METTL25: variants seen among roughly 807,000 people sequenced by gnomAD.
The protein encoded by METTL25 is methyltransferase like 25, also known as probable methyltransferase-like protein 25.
A neutral mutation model predicts 71.6 loss-of-function variants in METTL25; 64 were observed. That is an observed-to-expected ratio of 0.89 (90% CI 0.73 to 1.10). The LOEUF (loss-of-function observed/expected upper bound fraction) is 1.10. Among genes scored for constraint, METTL25 ranks in the 50% least tolerant of loss-of-function variants. The pLI, the probability that METTL25 is intolerant of heterozygous loss-of-function variation, is 0.00. For synonymous variants in METTL25, 287 were observed against 250.3 expected (o/e 1.15, Z -1.38); for missense variants, 807 against 707.0 (o/e 1.14, Z -1.60).
intron 6 of METTL25, among the ~76,000 whole-genome samples, chr12:82,431,653 T>C (rs1208111447): frequency 6.6e-6 from 1 of 151,586 alleles, no homozygotes; most frequent in Non-Finnish European, 1.5e-5. Flanking sequence ...GGTGGATATG[T>C]TATTAATAAA....
At chr12:82,418,091 A>G (rs950618865) in intron 5 of METTL25, among the ~76,000 whole-genome samples, 2 of 152,148 alleles carry the variant, frequency 1.3e-5, no homozygotes, top group Admixed American at 6.6e-5. Flanking sequence ...TCAGAGGGGA[A>G]CTTTGCAAGA....
chr12:82,381,473 A>AT (rs764161472), intron 1 of METTL25, among the ~76,000 whole-genome samples: 135 of 152,154 alleles, frequency 8.9e-4, no homozygotes, highest in Non-Finnish European at 1.7e-3. Flanking sequence ...TTTATATAAC[A>AT]TTTTTTCACT....
intron 8 of METTL25, among the ~76,000 whole-genome samples, chr12:82,446,531 C>T (rs1890753389): frequency 6.7e-6 from 1 of 150,098 alleles, no homozygotes. Flanking sequence ...GGAAACTGTA[C>T]AAATACATGG....
chr12:82,431,261 T>C lies in METTL25; in HGVS notation c.1374+274T>C, dbSNP rs1889477885. Reference sequence around the variant, plus strand: ...TCCAACGCTCTGTGGTTTGTGTTTCTTTATAGCAGATCGTTTGGTTTCCTA... The same window carrying C: ...TCCAACGCTCTGTGGTTTGTGTTTCCTTATAGCAGATCGTTTGGTTTCCTA... On this transcript the variant is annotated intron_variant, in intron 6 of 11. Coordinates refer to ENST00000248306, the MANE Select transcript of METTL25 (RefSeq NM_032230.3). Among the ~76,000 whole-genome samples the C allele has an allele frequency of 2.6e-5, 4 of 151,644 alleles. No individual in the cohort carries two copies. In the South Asian group the frequency reaches 8.3e-4, roughly 31 times the overall value.
rs137934843 is a variant in METTL25, at chr12:82,444,990, C to T, written c.1478+6199C>T. On this transcript the variant is annotated intron_variant, in intron 8 of 11. Coordinates refer to ENST00000248306, the MANE Select transcript of METTL25 (RefSeq NM_032230.3). Reference sequence around the variant, plus strand: ...TAGAATTCAGCAAAAGAAATATTAACAGCAAAGTGTATAACATGTACATCA... The same window carrying T: ...TAGAATTCAGCAAAAGAAATATTAATAGCAAAGTGTATAACATGTACATCA... 3.8e-4 allele frequency among the ~76,000 whole-genome samples: 58 copies of T among 152,180 alleles called. 1 individual carries two copies. The East Asian group carries it at 0.011, about 28-fold the overall frequency.
chr12:82,459,585 C>T (rs1174697285), intron 9 of METTL25, among the ~76,000 whole-genome samples: 1 of 152,120 alleles, frequency 6.6e-6, no homozygotes, highest in Non-Finnish European at 1.5e-5. Context: ...TGTGCTTGTG[C>T]CACTGCACTT....
At chr12:82,377,611 C>T (rs1004497091) in intron 1 of METTL25, among the ~76,000 whole-genome samples, 1 of 152,082 alleles carries the variant, frequency 6.6e-6, no homozygotes, top group South Asian at 2.1e-4. Context: ...AAAGAATAAT[C>T]TCAGATTGTT....
intron 3 of METTL25, 121 bp from the exon 4 acceptor site, chr12:82,398,673 TA>T (rs545624803): frequency 6.3e-4 from 336 of 536,350 alleles, no homozygotes; most frequent in Middle Eastern, 1.1e-3. Flanking sequence ...TTCATAGGAA[TA>T]AAAAAAAATT....
At chr12:82,469,988 G>T (rs970341353) in intron 9 of METTL25, among the ~76,000 whole-genome samples, 6 of 152,042 alleles carry the variant, frequency 3.9e-5, no homozygotes, top group African/African-American at 1.4e-4. Flanking sequence ...TCTGATCATT[G>T]CAGAGTTCCC....
At chr12:82,470,113 A>G (rs1018411695) in intron 9 of METTL25, among the ~76,000 whole-genome samples, 1 of 152,180 alleles carries the variant, frequency 6.6e-6, no homozygotes, top group African/African-American at 2.4e-5. Flanking sequence ...TTGGCCACCA[A>G]AGCTGCTGAG....
At chr12:82,478,260 A>G (rs1353051041) in intron 11 of METTL25, among the ~76,000 whole-genome samples, 2 of 151,854 alleles carry the variant, frequency 1.3e-5, no homozygotes, top group Non-Finnish European at 3.0e-5. Flanking sequence ...TACAAGAGGT[A>G]AGCAAAACAA....
At chr12:82,430,838 A>G (rs975876291) in intron 5 of METTL25, 55 bp from the exon 6 acceptor site, 1 of 954,844 alleles carries the variant, frequency 1.0e-6, no homozygotes, top group African/African-American at 1.7e-5. Context: ...TATTTATTTT[A>G]ACTGAAAAAG....
rs533434732 is a variant in METTL25, at chr12:82,439,777, T to C, written c.1478+986T>C. 3.7e-5 allele frequency: 22 copies of C among 600,468 alleles called. No individual in the cohort carries two copies. The African/African-American group carries it at 4.4e-4, about 12-fold the overall frequency. The allele number at this position is 600,468 out of a possible 1,614,324, so 37.2% of individuals were successfully genotyped here. On this transcript the variant is annotated intron_variant, in intron 8 of 11. Coordinates refer to ENST00000248306, the MANE Select transcript of METTL25 (RefSeq NM_032230.3). ...TATATTTACCCTAAGATGCTAACCT[T>C]GTTGAAAAAAGCCATAAAATTGTGC...
intron 3 of METTL25, among the ~76,000 whole-genome samples, chr12:82,392,617 G>T (rs368675212): frequency 6.6e-6 from 1 of 152,050 alleles, no homozygotes; most frequent in African/African-American, 2.4e-5. Context: ...TGTACAGAAG[G>T]TTATTAGCTT....
chr12:82,449,157 T>G (rs566379133), intron 8 of METTL25, among the ~76,000 whole-genome samples: 19 of 152,312 alleles, frequency 1.2e-4, no homozygotes, highest in African/African-American at 4.3e-4. Context: ...GTATACTGAT[T>G]CCTTTTTAGC....
At chr12:82,399,967 G>A (rs529300650) in intron 4 of METTL25, among the ~76,000 whole-genome samples, 4 of 147,950 alleles carry the variant, frequency 2.7e-5, no homozygotes, top group South Asian at 4.3e-4. Context: ...AAAAAAGGTA[G>A]CTTTTGGAGT....
intron 6 of METTL25, among the ~76,000 whole-genome samples, chr12:82,433,399 A>G (rs2137158780): frequency 6.6e-6 from 1 of 151,812 alleles, no homozygotes; most frequent in South Asian, 2.1e-4. Flanking sequence ...ATAATATGAA[A>G]ATTATGTAAT....
intron 9 of METTL25, among the ~76,000 whole-genome samples, chr12:82,465,650 T>C (rs1304647025): frequency 1.3e-5 from 2 of 152,030 alleles, no homozygotes; most frequent in African/African-American, 4.8e-5. Context: ...TACACTTTAA[T>C]TTTTTGCAAT....
At chr12:82,433,867 G>C (rs964066961) in intron 6 of METTL25, among the ~76,000 whole-genome samples, 2 of 151,160 alleles carry the variant, frequency 1.3e-5, no homozygotes, top group Admixed American at 1.3e-4. Flanking sequence ...TTACTTTTCT[G>C]TGTTTGAAAT....
Sources: allele counts gnomAD v4.1 joint callset (sites outside exome capture counted in the v4.1 genomes callset), GRCh38; gene constraint gnomAD v4.1.1; transcripts MANE v1.5; gene names NCBI Gene and HGNC (gene_info 2026-07-23, HGNC 2026-07-21).